TUSC3: variants seen among roughly 807,000 people sequenced by gnomAD.
TUSC3 encodes tumor suppressor candidate 3, also known as dolichyl-diphosphooligosaccharide--protein glycosyltransferase subunit TUSC3.
Under a neutral mutation model 44.8 loss-of-function variants are expected in TUSC3, and 45 were observed. That is an observed-to-expected ratio of 1.00 (90% CI 0.79 to 1.29). The LOEUF (loss-of-function observed/expected upper bound fraction) is 1.29. Among genes scored for constraint, TUSC3 ranks in the 50% most tolerant of loss-of-function variants. The pLI is 0.00. For synonymous variants in TUSC3, 212 were observed against 152.9 expected, an observed-to-expected ratio of 1.39 and a Z score of -2.85; for missense variants, 519 against 437.9, an observed-to-expected ratio of 1.19 and a Z score of -1.65.
At chr8:15,467,379 CATG>C (rs1800428090) in intron 1 of TUSC3, among the ~76,000 whole-genome samples, 1 of 150,482 alleles carries the variant, frequency 6.6e-6, no homozygotes, top group Non-Finnish European at 1.5e-5. Context: ...ATATCTGAAA[CATG>C]GTGTGTGGGA....
chr8:15,495,145 ACTCAACCG>A (rs202118975), intron 2 of TUSC3, among the ~76,000 whole-genome samples: 12,806 of 152,110 alleles, frequency 0.084, 591 homozygotes, highest in Middle Eastern at 0.17. Context: ...TTCTTCATCC[ACTCAACCG>A]CTGATGAGCA....
At chr8:15,697,130 C>T (rs1809203980) in intron 6 of TUSC3, among the ~76,000 whole-genome samples, 2 of 151,886 alleles carry the variant, frequency 1.3e-5, no homozygotes, top group Non-Finnish European at 2.9e-5. Context: ...GTAATATGTC[C>T]CTTTTCATTT....
chr8:15,610,692 A>T lies in TUSC3; in HGVS notation c.139-12388A>T, dbSNP rs144940121. ...CTGGCAAATTGAAGTAAACCCCTTT[A>T]AAAAAGTGACATTTGAATAGGGCTA... On this transcript the variant is annotated intron_variant, in intron 1 of 10. Coordinates refer to ENST00000503731, the MANE Select transcript of TUSC3 (RefSeq NM_006765.4). Among the ~76,000 whole-genome samples the T allele has an allele frequency of 5.9e-3, 900 of 152,226 alleles. 11 individuals carry two copies. The highest frequency in any genetic ancestry group is 0.021 in the African/African-American group (866 of 41,560).
chr8:15,620,077 CT>C (rs1805176562), intron 1 of TUSC3, among the ~76,000 whole-genome samples: 1 of 152,114 alleles, frequency 6.6e-6, no homozygotes, highest in South Asian at 2.1e-4. Flanking sequence ...AACAAACAAA[CT>C]GCAAATTAAA....
chr8:15,742,414 T>G (rs1811235051), intron 7 of TUSC3, among the ~76,000 whole-genome samples: 1 of 152,120 alleles, frequency 6.6e-6, no homozygotes, highest in Admixed American at 6.5e-5. Context: ...TATCCAGAAG[T>G]TGGATAATAT....
intron 9 of TUSC3, among the ~76,000 whole-genome samples, chr8:15,754,105 A>C (rs979548327): frequency 6.6e-6 from 1 of 152,020 alleles, no homozygotes; most frequent in Non-Finnish European, 1.5e-5. Context: ...AAAACTACTC[A>C]CATCAGATAA....
intron 6 of TUSC3, among the ~76,000 whole-genome samples, chr8:15,694,529 TC>T (rs1809072270): frequency 6.6e-6 from 1 of 151,872 alleles, no homozygotes; most frequent in South Asian, 2.1e-4. Context: ...TTGCCAGAGT[TC>T]TTGCACTGGA....
At chr8:15,801,556 T>C in the TUSC3 span, among the ~76,000 whole-genome samples, 3 of 152,198 alleles carry the variant, frequency 2.0e-5, no homozygotes, top group Admixed American at 2.0e-4. Flanking sequence ...TTGTATCTTG[T>C]GTTTTTTCGT....
chr8:15,848,848 G>A, the TUSC3 span, among the ~76,000 whole-genome samples: 1 of 152,180 alleles, frequency 6.6e-6, no homozygotes, highest in Non-Finnish European at 1.5e-5. Context: ...TGAATTAGTT[G>A]ATTTCTCAGG....
rs1243387739 is a variant in TUSC3, at chr8:15,605,970, CCAGTGAGTTG to C, written c.139-17107_139-17098del. Among the ~76,000 whole-genome samples, 11 of 152,026 alleles carry C rather than the reference CCAGTGAGTTG, an allele frequency of 7.2e-5. 1 individual carries two copies. Among genetic ancestry groups the C allele is most frequent in the Admixed American group, 6.6e-4 (10 of 15,224 alleles). The stretch of plus-strand genomic sequence containing the variant: ...ATCTCCATGTGAGCCCTTCATCTCT[CCAGTGAGTTG>C]CATATTGCAGTAAACAGTGATCACC... On this transcript the variant is annotated intron_variant, in intron 1 of 10. Coordinates refer to ENST00000503731, the MANE Select transcript of TUSC3 (RefSeq NM_006765.4).
chr8:15,578,592 G>T (rs1419461601), intron 1 of TUSC3, among the ~76,000 whole-genome samples: 3 of 147,242 alleles, frequency 2.0e-5, no homozygotes, highest in Non-Finnish European at 4.5e-5. Context: ...TTTGTCTTTG[G>T]CTCTGTTTAT....
chr8:15,723,000 C>T lies in TUSC3; in HGVS notation c.799-7666C>T, dbSNP rs187296736. On this transcript the variant is annotated intron_variant, in intron 6 of 10. Coordinates refer to ENST00000503731, the MANE Select transcript of TUSC3 (RefSeq NM_006765.4). ...CTCATTAGTAGTACAAATTTCTCGT[C>T]CTACCACAGACCTATTGTGTAGGAG... Among the ~76,000 whole-genome samples the T allele has an allele frequency of 2.0e-3, 306 of 152,160 alleles. 2 individuals carry two copies. The highest frequency in any genetic ancestry group is 7.1e-3 in the African/African-American group (294 of 41,538).
chr8:15,504,601 AT>A (rs1801021206), intron 2 of TUSC3, among the ~76,000 whole-genome samples: 2 of 39,116 alleles, frequency 5.1e-5, no homozygotes, highest in African/African-American at 2.6e-4. Flanking sequence ...ATATATATAT[AT>A]ATATATATAT....
chr8:15,627,269 G>A (rs1414530569), intron 2 of TUSC3, among the ~76,000 whole-genome samples: 2 of 152,174 alleles, frequency 1.3e-5, no homozygotes, highest in Admixed American at 6.5e-5. Context: ...CTATAGGACA[G>A]CCTGCCTGGC....
intron 2 of TUSC3, among the ~76,000 whole-genome samples, chr8:15,491,051 A>C (rs527714005): frequency 6.6e-6 from 1 of 152,352 alleles, no homozygotes; most frequent in Non-Finnish European, 1.5e-5. Flanking sequence ...CACTGAACAC[A>C]CATTTTACAT....
At chr8:15,833,300 G>T in the TUSC3 span, among the ~76,000 whole-genome samples, 3 of 152,116 alleles carry the variant, frequency 2.0e-5, 1 homozygote, top group South Asian at 4.1e-4. Context: ...AAACAATGTG[G>T]CAATTCCTCA....
intron 1 of TUSC3, among the ~76,000 whole-genome samples, chr8:15,588,959 C>T (rs1191897475): frequency 6.6e-6 from 1 of 152,058 alleles, no homozygotes; most frequent in Non-Finnish European, 1.5e-5. Context: ...TTATTGTAGC[C>T]TTATTGCATT....
intron 2 of TUSC3, among the ~76,000 whole-genome samples, chr8:15,533,145 G>A (rs1008814897): frequency 1.1e-4 from 17 of 152,002 alleles, no homozygotes; most frequent in African/African-American, 2.9e-4. Flanking sequence ...CTTTCTTTAC[G>A]TGCCACCATC....
intron 2 of TUSC3, among the ~76,000 whole-genome samples, chr8:15,624,447 T>C (rs753917192): frequency 6.6e-6 from 1 of 152,248 alleles, no homozygotes; most frequent in African/African-American, 2.4e-5. Flanking sequence ...GTGTGTTTAG[T>C]TGCTGCTTAT....
Sources: allele counts gnomAD v4.1 joint callset (sites outside exome capture counted in the v4.1 genomes callset), GRCh38; gene constraint gnomAD v4.1.1; transcripts MANE v1.5; gene names NCBI Gene and HGNC (gene_info 2026-07-23, HGNC 2026-07-21).